EPHB1: variants seen among roughly 807,000 people sequenced by gnomAD.
EPHB1 encodes the protein ephrin type-B receptor 1.
In EPHB1, 30 loss-of-function variants were observed where a neutral mutation model predicts 94.4. The ratio of observed to expected loss-of-function variants is 0.32; its 90% CI spans 0.24 to 0.43. EPHB1 has a LOEUF of 0.43. Among genes scored for constraint, EPHB1 ranks in the 20% least tolerant of loss-of-function variants. EPHB1 has a pLI of 1.00. For synonymous variants in EPHB1, 522 were observed against 489.1 expected, an observed-to-expected ratio of 1.07 and a Z score of -0.89; for missense variants, 1,055 against 1,308.3, an observed-to-expected ratio of 0.81 and a Z score of 2.99.
intron 7 of EPHB1, among the ~76,000 whole-genome samples, 190 bp from the exon 8 acceptor site, chr3:135,165,778 T>G (rs1194409849): frequency 1.3e-5 from 2 of 152,204 alleles, no homozygotes; most frequent in Admixed American, 6.5e-5. Context: ...TTGTCCTTTG[T>G]TTTTGGTTGT....
At chr3:135,156,932 C>T (rs1217726645) in intron 6 of EPHB1, among the ~76,000 whole-genome samples, 1 of 152,216 alleles carries the variant, frequency 6.6e-6, no homozygotes, top group Non-Finnish European at 1.5e-5. Context: ...CCTTCCCACA[C>T]ATATAAGCTT....
intron 3 of EPHB1, among the ~76,000 whole-genome samples, chr3:135,013,827 C>T (rs1412794275): frequency 6.6e-6 from 1 of 152,204 alleles, no homozygotes; most frequent in Non-Finnish European, 1.5e-5. Context: ...AACTCAATTA[C>T]ACATCAATCA....
chr3:134,810,866 A>G (rs9818551), intron 1 of EPHB1, among the ~76,000 whole-genome samples: 1 of 151,696 alleles, frequency 6.6e-6, no homozygotes, highest in Non-Finnish European at 1.5e-5. Flanking sequence ...ATCTCTCTCT[A>G]TATATTTAGC....
chr3:135,186,035 G>C (rs1942320599), intron 10 of EPHB1, among the ~76,000 whole-genome samples: 1 of 152,166 alleles, frequency 6.6e-6, no homozygotes, highest in South Asian at 2.1e-4. Flanking sequence ...CAAGGACTGA[G>C]ATATTTAGCA....
intron 3 of EPHB1, among the ~76,000 whole-genome samples, chr3:135,039,103 T>G (rs1936743313): frequency 6.6e-6 from 1 of 152,164 alleles, no homozygotes; most frequent in African/African-American, 2.4e-5. Flanking sequence ...TTCACAAACC[T>G]TGAGCTAAAC....
intron 1 of EPHB1, among the ~76,000 whole-genome samples, chr3:134,871,042 C>A (rs937766430): frequency 6.6e-6 from 1 of 152,088 alleles, no homozygotes; most frequent in Non-Finnish European, 1.5e-5. Context: ...GAGCCCTTTA[C>A]CATGGGTTAC....
chr3:134,810,048 A>G (rs1324222896), intron 1 of EPHB1, among the ~76,000 whole-genome samples: 2 of 152,206 alleles, frequency 1.3e-5, no homozygotes, highest in African/African-American at 4.8e-5. Flanking sequence ...TCCTGCTAAG[A>G]GAGACCCATT....
intron 5 of EPHB1, among the ~76,000 whole-genome samples, chr3:135,149,756 TAC>T (rs1254388531): frequency 1.3e-5 from 2 of 152,194 alleles, no homozygotes; most frequent in African/African-American, 4.8e-5. Context: ...TGTGTGAGAA[TAC>T]ACAGTCTTCC....
At chr3:135,258,913 A>G (rs912113225) in intron 15 of EPHB1, 99 bp from the exon 16 acceptor site, 12 of 1,052,312 alleles carry the variant, frequency 1.1e-5, no homozygotes, top group African/African-American at 1.6e-5. Context: ...TTTTTGTAGC[A>G]TGGCTACTTC....
chr3:135,085,149 G>A (rs1938309330), intron 3 of EPHB1, among the ~76,000 whole-genome samples: 1 of 152,196 alleles, frequency 6.6e-6, no homozygotes, highest in Non-Finnish European at 1.5e-5. Flanking sequence ...ACCCTTATCT[G>A]TGCAGCCACG....
chr3:135,256,775 T>C (rs1369238765), intron 15 of EPHB1, among the ~76,000 whole-genome samples: 1 of 152,132 alleles, frequency 6.6e-6, no homozygotes, highest in Non-Finnish European at 1.5e-5. Flanking sequence ...CCTTGCCAGA[T>C]TGGGGAAGTT....
chr3:135,181,056 T>C (rs1471760316), intron 10 of EPHB1, among the ~76,000 whole-genome samples: 1 of 152,220 alleles, frequency 6.6e-6, no homozygotes, highest in Non-Finnish European at 1.5e-5. Context: ...TCATATATTA[T>C]CTTTAGGGGG....
chr3:134,944,562 G>A (rs1206289409), intron 2 of EPHB1, among the ~76,000 whole-genome samples: 3 of 152,142 alleles, frequency 2.0e-5, no homozygotes, highest in Non-Finnish European at 2.9e-5. Context: ...TATACCACTG[G>A]TTGGTGAGAA....
At chr3:135,069,338 G>A (rs1471277264) in intron 3 of EPHB1, among the ~76,000 whole-genome samples, 1 of 152,028 alleles carries the variant, frequency 6.6e-6, no homozygotes, top group Non-Finnish European at 1.5e-5. Flanking sequence ...TTCTGAGCAG[G>A]GGATTTCATA....
intron 3 of EPHB1, among the ~76,000 whole-genome samples, chr3:135,080,608 G>A (rs996983180): frequency 2.0e-5 from 3 of 152,016 alleles, no homozygotes; most frequent in African/African-American, 7.3e-5. Context: ...TTCAGAGACT[G>A]GGGTGGTGGC....
At chr3:135,173,415 G>T (rs1941874241) in intron 9 of EPHB1, among the ~76,000 whole-genome samples, 1 of 152,110 alleles carries the variant, frequency 6.6e-6, no homozygotes, top group Non-Finnish European at 1.5e-5. Flanking sequence ...ACTGGTTTTT[G>T]GGGCAGATCC....
chr3:134,802,755 T>G (rs1017925837), intron 1 of EPHB1, among the ~76,000 whole-genome samples: 2 of 152,228 alleles, frequency 1.3e-5, no homozygotes, highest in African/African-American at 2.4e-5. Flanking sequence ...TGAGAAGATT[T>G]CATTTTGACA....
chr3:135,017,936 A>G (rs914314489), intron 3 of EPHB1, among the ~76,000 whole-genome samples: 3 of 152,056 alleles, frequency 2.0e-5, no homozygotes, highest in South Asian at 2.1e-4. Flanking sequence ...TTGTCGCACT[A>G]TGACCTTTCA....
At chr3:135,035,789 A>G (rs1158109584) in intron 3 of EPHB1, among the ~76,000 whole-genome samples, 1 of 152,204 alleles carries the variant, frequency 6.6e-6, no homozygotes, top group Non-Finnish European at 1.5e-5. Context: ...TCCATAGCAT[A>G]TGAGCTTGTG....
Sources: gnomAD v4.1 joint callset for allele counts (sites outside exome capture counted in the v4.1 genomes callset) on GRCh38, gnomAD v4.1.1 for gene constraint, MANE v1.5 for transcripts, NCBI Gene and HGNC (gene_info 2026-07-23, HGNC 2026-07-21) for gene names.